The following SLC14A2 variants were observed in gnomAD, a reference collection of about 807,000 sequenced individuals.
SLC14A2 encodes the protein solute carrier family 14 member 2, also known as urea transporter 2.
SLC14A2 carries 91 observed loss-of-function variants against 104.6 expected under a neutral mutation model. The observed-to-expected ratio is 0.87, with a 90% confidence interval of 0.73 to 1.04. The LOEUF (loss-of-function observed/expected upper bound fraction) is 1.04. Among genes scored for constraint, SLC14A2 ranks in the 50% least tolerant of loss-of-function variants. The probability of loss-of-function intolerance (pLI) is 0.00; values close to 1 mark genes in which losing one functional copy is unlikely to be tolerated. For synonymous variants in SLC14A2, 476 were observed against 466.4 expected (o/e 1.02, Z -0.27); for missense variants, 1,189 against 1,156.0 (o/e 1.03, Z -0.41).
intron 1 of SLC14A2, among the ~76,000 whole-genome samples, chr18:45,471,463 C>T (rs1043043433): frequency 6.6e-6 from 1 of 151,998 alleles, no homozygotes; most frequent in African/African-American, 2.4e-5. Flanking sequence ...TTTTGAAAAC[C>T]GTTTTGAAAT....
At chr18:45,356,592 T>C (rs1040346173) in intron 1 of SLC14A2, among the ~76,000 whole-genome samples, 3 of 152,244 alleles carry the variant, frequency 2.0e-5, no homozygotes, top group African/African-American at 7.2e-5. Flanking sequence ...AGGTCATAGC[T>C]GGAGGAAAGG....
rs539040166 is a variant in SLC14A2, at chr18:45,342,296, C to T, written c.-125+129105C>T. 5.9e-5 allele frequency among the ~76,000 whole-genome samples: 9 copies of T among 152,210 alleles called. No homozygotes were observed. In the South Asian group the frequency reaches 1.5e-3, roughly 25 times the overall value. On this transcript the variant is annotated intron_variant, in intron 1 of 20. Coordinates refer to the SLC14A2 transcript ENST00000586448. ...ATGAGGTTAGGGTGACCAGATGAGA[C>T]GTTGCTGGATAAGGGCTTGAGCTGA...
intron 1 of SLC14A2, among the ~76,000 whole-genome samples, chr18:45,307,814 ATTAG>A (rs1249396630): frequency 1.3e-5 from 2 of 152,244 alleles, no homozygotes; most frequent in Non-Finnish European, 1.5e-5. Flanking sequence ...TGAATGCTAT[ATTAG>A]TTAGTTTGTG....
chr18:45,432,894 T>C (rs551043687), intron 1 of SLC14A2, among the ~76,000 whole-genome samples: 1 of 152,308 alleles, frequency 6.6e-6, no homozygotes, highest in Non-Finnish European at 1.5e-5. Context: ...TTTCCATGTA[T>C]TAGCAAATCC....
chr18:45,220,045 C>T (rs1327932368), intron 1 of SLC14A2, among the ~76,000 whole-genome samples: 4 of 152,154 alleles, frequency 2.6e-5, no homozygotes, highest in Non-Finnish European at 5.9e-5. Flanking sequence ...ACTTTGTTTT[C>T]TGACAGACAG....
At chr18:45,509,673 G>A (rs1310555029) in intron 2 of SLC14A2, among the ~76,000 whole-genome samples, 2 of 152,176 alleles carry the variant, frequency 1.3e-5, no homozygotes. Flanking sequence ...TGCCACTCAA[G>A]TGGTCGCCAC....
chr18:45,548,435 G>A (rs1328845147), intron 2 of SLC14A2, among the ~76,000 whole-genome samples: 1 of 152,246 alleles, frequency 6.6e-6, no homozygotes, highest in Non-Finnish European at 1.5e-5. Flanking sequence ...AGGGCATGGT[G>A]TTTCACACCT....
intron 2 of SLC14A2, among the ~76,000 whole-genome samples, chr18:45,552,272 T>C (rs2144285595): frequency 6.6e-6 from 1 of 152,326 alleles, no homozygotes; most frequent in East Asian, 1.9e-4. Flanking sequence ...TGAGGTGCCA[T>C]GAGTTTGAGT....
At position 45,669,458 on chromosome 18, in the gene SLC14A2, C is replaced by T; in HGVS notation, c.2189C>T (p.Ala730Val). 4 of 1,614,088 alleles carry T rather than the reference C, an allele frequency of 2.5e-6. No individual in the cohort carries two copies. The highest frequency in any genetic ancestry group is 3.4e-6 in the Non-Finnish European group (4 of 1,179,940). Reference protein sequence around the residue: ...FPTTLLQPASAMPNITWSEVQ... With the variant: ...FPTTLLQPASVMPNITWSEVQ... ...ACAACGCTGCTGCAGCCTGCATCCG[C>T]CATGCCCAACATCACCTGGTCAGAG... is the stretch of plus-strand genomic sequence containing the variant. Residue 730 changes from alanine (A) to valine (V), a missense_variant, in exon 16 of 20, where the codon GCC (alanine) becomes GTC (valine). By Grantham distance (64) the Ala-to-Val change is moderately conservative (BLOSUM62 0). Transcript: ENST00000255226.
chr18:45,459,504 G>T (rs568686069), intron 1 of SLC14A2, among the ~76,000 whole-genome samples: 2 of 152,290 alleles, frequency 1.3e-5, no homozygotes, highest in African/African-American at 2.4e-5. Flanking sequence ...CCTCAAAGAA[G>T]GTGTGTGACT....
chr18:45,608,365 CTG>C (rs2044905757), intron 2 of SLC14A2, among the ~76,000 whole-genome samples: 1 of 152,234 alleles, frequency 6.6e-6, no homozygotes, highest in African/African-American at 2.4e-5. Flanking sequence ...ACTGGGCCCT[CTG>C]TGTGTTGCCT....
At chr18:45,498,514 C>T (rs1417126831) in intron 2 of SLC14A2, among the ~76,000 whole-genome samples, 2 of 152,190 alleles carry the variant, frequency 1.3e-5, no homozygotes, top group Admixed American at 6.5e-5. Flanking sequence ...ATAAGTTCTA[C>T]GGTAGATGAA....
intron 1 of SLC14A2, among the ~76,000 whole-genome samples, chr18:45,419,265 C>G (rs897435283): frequency 4.6e-5 from 7 of 152,158 alleles, no homozygotes; most frequent in African/African-American, 1.7e-4. Context: ...CTAAAGCACA[C>G]CCTGACTGGG....
intron 4 of SLC14A2, among the ~76,000 whole-genome samples, chr18:45,630,622 CTATTGG>C (rs2045328402): frequency 6.6e-6 from 1 of 152,246 alleles, no homozygotes; most frequent in Admixed American, 6.5e-5. Context: ...GGTGGGACAG[CTATTGG>C]TATTAAAACA....
At chr18:45,596,954 A>G (rs2044725185) in intron 2 of SLC14A2, among the ~76,000 whole-genome samples, 1 of 152,146 alleles carries the variant, frequency 6.6e-6, no homozygotes, top group East Asian at 1.9e-4. Flanking sequence ...CTGTGCTTCT[A>G]TGATGTCCCA....
intron 1 of SLC14A2, among the ~76,000 whole-genome samples, chr18:45,624,177 G>A (rs2045221291): frequency 6.6e-6 from 1 of 152,088 alleles, no homozygotes; most frequent in Admixed American, 6.5e-5. Flanking sequence ...AAGGAAGACT[G>A]GAGATCAGTT....
intron 1 of SLC14A2, among the ~76,000 whole-genome samples, chr18:45,473,532 T>A (rs2087293299): frequency 6.6e-6 from 1 of 152,214 alleles, no homozygotes; most frequent in African/African-American, 2.4e-5. Flanking sequence ...TCCATTTGTT[T>A]TTGTGTCCTC....
chr18:45,180,156 GA>G, the SLC14A2 span, among the ~76,000 whole-genome samples: 1 of 151,904 alleles, frequency 6.6e-6, no homozygotes, highest in South Asian at 2.1e-4. Flanking sequence ...CTGAAAAAGA[GA>G]AAAAAACAAA....
chr18:45,285,907 T>G (rs528972625), intron 1 of SLC14A2, among the ~76,000 whole-genome samples: 1 of 152,308 alleles, frequency 6.6e-6, no homozygotes, highest in Admixed American at 6.5e-5. Flanking sequence ...TATAGTCACC[T>G]GGGAGGCTTG....
Sources: allele counts gnomAD v4.1 joint callset (sites outside exome capture counted in the v4.1 genomes callset), GRCh38; gene constraint gnomAD v4.1.1; transcripts MANE v1.5; gene names NCBI Gene and HGNC (gene_info 2026-07-23, HGNC 2026-07-21).